Variants in CALN1 observed in about 807,000 individuals in gnomAD.
CALN1 encodes the protein calneuron 1, also known as calcium-binding protein 8.
In CALN1, 17 loss-of-function variants were observed where a neutral mutation model predicts 30.6. The observed-to-expected ratio is 0.56, with a 90% CI of 0.38 to 0.83. CALN1 has a LOEUF of 0.83. Ranked by LOEUF, CALN1 falls within the 40% of genes least tolerant of loss-of-function variation. The probability of loss-of-function intolerance (pLI) is 0.00; values close to 1 mark genes in which losing one functional copy is unlikely to be tolerated. For missense variants in CALN1, 291 were observed against 354.9 expected (o/e 0.82, Z 1.45); for synonymous variants, 156 against 131.4 (o/e 1.19, Z -1.28).
At chr7:72,357,898 A>T (rs935592342) in intron 2 of CALN1, among the ~76,000 whole-genome samples, 1 of 150,042 alleles carries the variant, frequency 6.7e-6, no homozygotes, top group African/African-American at 2.5e-5. Context: ...CCCAGCTCCC[A>T]GGCTCAAGGG....
intron 5 of CALN1, among the ~76,000 whole-genome samples, chr7:71,983,950 T>C (rs1798533759): frequency 6.6e-6 from 1 of 152,042 alleles, no homozygotes; most frequent in African/African-American, 2.4e-5. Flanking sequence ...TAATAAATTA[T>C]GATCGAAAAA....
intron 4 of CALN1, among the ~76,000 whole-genome samples, chr7:72,099,432 C>A (rs1443947702): frequency 6.6e-6 from 1 of 151,482 alleles, no homozygotes. Flanking sequence ...GTTACAGAAG[C>A]GAGGAAGGAA....
chr7:71,938,195 G>A (rs1795945759), intron 5 of CALN1, among the ~76,000 whole-genome samples: 1 of 152,170 alleles, frequency 6.6e-6, no homozygotes, highest in Admixed American at 6.5e-5. Context: ...ATCATTTCCA[G>A]ATAGGGACAC....
chr7:72,419,199 C>G (rs752554606), intron 1 of CALN1, among the ~76,000 whole-genome samples: 12 of 152,104 alleles, frequency 7.9e-5, no homozygotes, highest in African/African-American at 1.4e-4. Context: ...AGTTCTCACC[C>G]TACTGCTCCA....
intron 2 of CALN1, among the ~76,000 whole-genome samples, chr7:72,376,349 C>G (rs1190179836): frequency 3.9e-5 from 6 of 152,150 alleles, no homozygotes. Context: ...TTTTACAGTA[C>G]AATGCAAAAG....
At chr7:72,338,320 GAA>G (rs771053482) in intron 2 of CALN1, among the ~76,000 whole-genome samples, 10 of 152,110 alleles carry the variant, frequency 6.6e-5, no homozygotes, top group African/African-American at 2.4e-4. Context: ...CAGAACCAGA[GAA>G]AAGATACATG....
rs1465257406 is a variant in CALN1, at chr7:72,105,813, A to AGG, written c.388+336_388+337dup. ...GGGGAGGGAGGGAGGGAGGAGGAGG[A>AGG]GGGGGAGGGAGAGGGGGATAGGGAT... On this transcript the variant is annotated intron_variant, in intron 4 of 6. Coordinates refer to ENST00000395275, the MANE Select transcript of CALN1 (RefSeq NM_031468.4). Among the ~76,000 whole-genome samples, 4 of 66,874 alleles carry AGG rather than the reference A, an allele frequency of 6.0e-5. No individual in the cohort carries two copies. The East Asian group carries it at 2.3e-3, about 39-fold the overall frequency. The allele number at this position is 66,874 out of a possible 152,430, so 43.9% of individuals were successfully genotyped here.
chr7:71,915,749 A>G (rs1407358289), intron 5 of CALN1, among the ~76,000 whole-genome samples: 1 of 113,600 alleles, frequency 8.8e-6, no homozygotes, highest in Non-Finnish European at 1.9e-5. Flanking sequence ...AAAACCAACC[A>G]AACAAAAAAA....
intron 3 of CALN1, among the ~76,000 whole-genome samples, chr7:72,165,516 A>G (rs932986201): frequency 3.3e-5 from 5 of 151,948 alleles, no homozygotes; most frequent in South Asian, 2.1e-4. Context: ...TAAACCCAGG[A>G]CGCAGAGTAT....
chr7:72,205,204 T>C (rs1194114824), intron 3 of CALN1, among the ~76,000 whole-genome samples: 2 of 151,930 alleles, frequency 1.3e-5, no homozygotes, highest in East Asian at 1.9e-4. Flanking sequence ...TTTTTGCTTT[T>C]CTTTTGTTTT....
chr7:72,283,971 G>A (rs1463789412), intron 2 of CALN1, among the ~76,000 whole-genome samples: 1 of 152,138 alleles, frequency 6.6e-6, no homozygotes, highest in Non-Finnish European at 1.5e-5. Context: ...TGGGGTCAAG[G>A]AACTGGTACA....
chr7:72,203,122 T>C (rs1450480111), intron 3 of CALN1, among the ~76,000 whole-genome samples: 1 of 151,800 alleles, frequency 6.6e-6, no homozygotes, highest in Non-Finnish European at 1.5e-5. Flanking sequence ...CACTCATAAG[T>C]GGGAGCTGAA....
chr7:72,032,705 A>G (rs1457258857), intron 4 of CALN1, among the ~76,000 whole-genome samples: 2 of 152,200 alleles, frequency 1.3e-5, no homozygotes, highest in African/African-American at 4.8e-5. Context: ...TTGTCAAAAC[A>G]GATGCTCCTT....
intron 4 of CALN1, among the ~76,000 whole-genome samples, chr7:72,043,782 G>T (rs1306648522): frequency 6.6e-6 from 1 of 152,128 alleles, no homozygotes; most frequent in African/African-American, 2.4e-5. Flanking sequence ...GGTTGTATTA[G>T]TTCGTTTTCA....
intron 5 of CALN1, among the ~76,000 whole-genome samples, chr7:71,926,088 GT>G (rs958760782): frequency 6.6e-6 from 1 of 152,138 alleles, no homozygotes; most frequent in African/African-American, 2.4e-5. Context: ...TGAAGCCTCA[GT>G]TTGGCAATAA....
intron 3 of CALN1, among the ~76,000 whole-genome samples, chr7:72,237,911 C>A (rs2129551095): frequency 6.6e-6 from 1 of 152,342 alleles, no homozygotes; most frequent in East Asian, 1.9e-4. Flanking sequence ...ATGGCTCTTT[C>A]TGCCTGGCAC....
At chr7:72,435,237 A>AG (rs1808113210) in intron 1 of CALN1, among the ~76,000 whole-genome samples, 1 of 139,560 alleles carries the variant, frequency 7.2e-6, no homozygotes, top group Non-Finnish European at 1.6e-5. Context: ...CCAGTCTCTA[A>AG]GGAAAAAAAA....
intron 3 of CALN1, among the ~76,000 whole-genome samples, chr7:72,268,295 G>A (rs1796727195): frequency 1.3e-5 from 2 of 152,212 alleles, no homozygotes; most frequent in Admixed American, 6.5e-5. Flanking sequence ...GGCAGCAGGG[G>A]ATCGTGTGGA....
At chr7:72,285,390 C>T (rs934351673) in intron 2 of CALN1, among the ~76,000 whole-genome samples, 1 of 151,956 alleles carries the variant, frequency 6.6e-6, no homozygotes, top group African/African-American at 2.4e-5. Context: ...ATTACAGGCG[C>T]CTGCCACCAC....
Sources: allele counts gnomAD v4.1 joint callset (sites outside exome capture counted in the v4.1 genomes callset), GRCh38; gene constraint gnomAD v4.1.1; transcripts MANE v1.5; gene names NCBI Gene and HGNC (gene_info 2026-07-23, HGNC 2026-07-21).